Variants in PAFAH1B1 observed in about 807,000 individuals in gnomAD.
PAFAH1B1 encodes the protein platelet activating factor acetylhydrolase 1b regulatory subunit 1.
In PAFAH1B1, 2 loss-of-function variants were observed where a neutral mutation model predicts 57.5. The ratio of observed to expected loss-of-function variants is 0.03; its 90% CI spans 0.01 to 0.11. The LOEUF (loss-of-function observed/expected upper bound fraction) is 0.11. Ranked by LOEUF, PAFAH1B1 falls within the 10% of genes least tolerant of loss-of-function variation. The pLI is 1.00. For synonymous variants in PAFAH1B1, 152 were observed against 169.6 expected (o/e 0.90, Z 0.81); for missense variants, 257 against 512.0 (o/e 0.50, Z 4.81).
At chr17:2,651,433 A>G (rs1204661809) in intron 2 of PAFAH1B1, among the ~76,000 whole-genome samples, 2 of 151,136 alleles carry the variant, frequency 1.3e-5, no homozygotes, top group African/African-American at 4.9e-5. Context: ...AAAAAAAAAA[A>G]ATTAGCTGGG....
chr17:2,601,219 C>T (rs1450108423), intron 1 of PAFAH1B1, among the ~76,000 whole-genome samples: 8 of 152,158 alleles, frequency 5.3e-5, no homozygotes, highest in Admixed American at 1.3e-4. Context: ...ACTGCAGCCT[C>T]CGCCTTTTGG....
intron 1 of PAFAH1B1, among the ~76,000 whole-genome samples, chr17:2,622,184 G>T (rs1597526638): frequency 6.6e-6 from 1 of 152,108 alleles, no homozygotes; most frequent in South Asian, 2.1e-4. Context: ...TCCACCCCTG[G>T]TCCCTCCATA....
intron 1 of PAFAH1B1, among the ~76,000 whole-genome samples, chr17:2,594,712 C>T (rs1165896231): frequency 6.6e-6 from 1 of 152,222 alleles, no homozygotes; most frequent in Non-Finnish European, 1.5e-5. Context: ...TTTCTTTCTG[C>T]CACCGGCTCC....
chr17:2,673,679 T>C (rs2069216216), intron 7 of PAFAH1B1: 1 of 214,708 alleles, frequency 4.7e-6, no homozygotes, highest in Non-Finnish European at 9.5e-6. Flanking sequence ...TGTGCTGGTA[T>C]ACCTCTGTTA....
intron 1 of PAFAH1B1, chr17:2,613,201 G>T: frequency 1.2e-5 from 2 of 166,688 alleles, no homozygotes. Context: ...AATGCAAGCT[G>T]TGGGAGGCAG....
chr17:2,620,776 C>T (rs562502154), intron 1 of PAFAH1B1, among the ~76,000 whole-genome samples: 18 of 152,056 alleles, frequency 1.2e-4, no homozygotes, highest in Non-Finnish European at 2.6e-4. Context: ...GTAGGAGAAT[C>T]ACTTGAACCT....
intron 2 of PAFAH1B1, among the ~76,000 whole-genome samples, chr17:2,645,879 C>T (rs2068761875): frequency 6.6e-6 from 1 of 151,868 alleles, no homozygotes; most frequent in African/African-American, 2.4e-5. Flanking sequence ...GCTAGGATTA[C>T]AGGCATGAGC....
chr17:2,607,944 T>C (rs1286187743), intron 1 of PAFAH1B1, among the ~76,000 whole-genome samples: 2 of 152,372 alleles, frequency 1.3e-5, no homozygotes, highest in Middle Eastern at 3.4e-3. Context: ...CTTTATAGAT[T>C]GTTAGAATTT....
intron 2 of PAFAH1B1, among the ~76,000 whole-genome samples, chr17:2,662,833 A>G (rs1185432458): frequency 6.6e-6 from 1 of 152,170 alleles, no homozygotes; most frequent in Non-Finnish European, 1.5e-5. Flanking sequence ...TGATGAGGCC[A>G]GGTACAGTGG....
chr17:2,604,666 C>T (rs1054786647), intron 1 of PAFAH1B1, among the ~76,000 whole-genome samples: 2 of 152,048 alleles, frequency 1.3e-5, no homozygotes, highest in Admixed American at 6.6e-5. Context: ...CACAAATTAG[C>T]CGGGCCTGGT....
At chr17:2,599,803 G>A (rs1243676679) in intron 1 of PAFAH1B1, among the ~76,000 whole-genome samples, 1 of 152,042 alleles carries the variant, frequency 6.6e-6, no homozygotes, top group African/African-American at 2.4e-5. Context: ...GGGCTCTTAT[G>A]TTGACAAGAA....
intron 1 of PAFAH1B1, among the ~76,000 whole-genome samples, chr17:2,629,130 TC>T (rs1190302361): frequency 1.3e-5 from 2 of 152,184 alleles, no homozygotes; most frequent in African/African-American, 2.4e-5. Flanking sequence ...TTTATTTTCT[TC>T]TGCTGGGTTT....
intron 2 of PAFAH1B1, among the ~76,000 whole-genome samples, chr17:2,658,873 G>C (rs184150431): frequency 3.9e-5 from 6 of 152,304 alleles, no homozygotes; most frequent in Admixed American, 1.3e-4. Flanking sequence ...CGTGAGGTTG[G>C]AGAAGTATAA....
Position 2,647,623 on chromosome 17 carries a change from G to A in PAFAH1B1, c.32+9303G>A, listed in dbSNP as rs78957078. ...AATAATATAATAGTGGAATCCAGTC[G>A]GATATGAAAAACATTGCTCATTGCC... On this transcript the variant is annotated intron_variant, in intron 2 of 10. Coordinates refer to ENST00000397195, the MANE Select transcript of PAFAH1B1 (RefSeq NM_000430.4). 3.0e-3 allele frequency among the ~76,000 whole-genome samples: 464 copies of A among 152,176 alleles called. 1 individual carries two copies. Among genetic ancestry groups the A allele is most frequent in the Non-Finnish European group, 4.9e-3 (330 of 67,998 alleles).
intron 1 of PAFAH1B1, among the ~76,000 whole-genome samples, chr17:2,605,241 A>G (rs987157327): frequency 2.0e-5 from 3 of 152,204 alleles, no homozygotes; most frequent in Non-Finnish European, 2.9e-5. Context: ...GCAAGTTGAA[A>G]CAATTCAGAT....
At chr17:2,608,522 G>A (rs2068231058) in intron 1 of PAFAH1B1, among the ~76,000 whole-genome samples, 1 of 152,208 alleles carries the variant, frequency 6.6e-6, no homozygotes, top group South Asian at 2.1e-4. Context: ...GTTTACTTGG[G>A]CTGGGTGTGG....
chr17:2,613,470 G>C (rs1451093266), intron 1 of PAFAH1B1: 1 of 242,130 alleles, frequency 4.1e-6, no homozygotes, highest in Non-Finnish European at 8.4e-6. Context: ...GGTGGCTGCA[G>C]CGGCAGAGCC....
chr17:2,666,857 C>G (rs2069112524), intron 4 of PAFAH1B1, 135 bp from the exon 5 acceptor site: 1 of 634,378 alleles, frequency 1.6e-6, no homozygotes, highest in Non-Finnish European at 2.8e-6. Context: ...TTAAATTTGA[C>G]AAATGCTTTG....
At chr17:2,623,257 CTTTCT>C (rs2068446492) in intron 1 of PAFAH1B1, among the ~76,000 whole-genome samples, 1 of 136,322 alleles carries the variant, frequency 7.3e-6, no homozygotes. Flanking sequence ...TGGGTTTTTC[CTTTCT>C]TTTTTTTTTT....
Sources: allele counts gnomAD v4.1 joint callset (sites outside exome capture counted in the v4.1 genomes callset), GRCh38; gene constraint gnomAD v4.1.1; transcripts MANE v1.5; gene names NCBI Gene and HGNC (gene_info 2026-07-23, HGNC 2026-07-21).